ATP8A2: variants seen among roughly 807,000 people sequenced by gnomAD.
ATP8A2 encodes phospholipid-transporting ATPase IB.
In ATP8A2, 100 loss-of-function variants were observed where a neutral mutation model predicts 165.6. The observed-to-expected ratio is 0.60, with a 90% CI of 0.51 to 0.71. ATP8A2 has a LOEUF of 0.71. Among genes scored for constraint, ATP8A2 ranks in the 30% least tolerant of loss-of-function variants. ATP8A2 has a pLI of 0.00. For missense variants in ATP8A2, 1,227 were observed against 1,479.5 expected, an observed-to-expected ratio of 0.83 and a Z score of 2.80; for synonymous variants, 543 against 548.8, an observed-to-expected ratio of 0.99 and a Z score of 0.15.
chr13:25,389,020 C>A (rs553166191), intron 1 of ATP8A2, among the ~76,000 whole-genome samples: 3 of 152,242 alleles, frequency 2.0e-5, no homozygotes, highest in African/African-American at 7.2e-5. Flanking sequence ...GAGCACAGGA[C>A]CTGCACCCAA....
chr13:26,012,440 C>A, intron 35 of ATP8A2, 91 bp from the exon 36 acceptor site: 2 of 1,015,076 alleles, frequency 2.0e-6, no homozygotes, highest in South Asian at 1.5e-5. Context: ...GGGAGGTGAT[C>A]CCCCACCTCA....
chr13:25,484,531 T>G (rs919390403), intron 2 of ATP8A2, among the ~76,000 whole-genome samples: 1 of 152,128 alleles, frequency 6.6e-6, no homozygotes, highest in African/African-American at 2.4e-5. Context: ...TTTTTTCTTT[T>G]TTTGAGACAG....
At chr13:25,439,972 G>A (rs2034887877) in intron 1 of ATP8A2, among the ~76,000 whole-genome samples, 1 of 152,146 alleles carries the variant, frequency 6.6e-6, no homozygotes, top group Non-Finnish European at 1.5e-5. Context: ...AGGCTATGGA[G>A]TTTGAGTATT....
At chr13:25,766,168 T>C (rs186920790) in intron 25 of ATP8A2, among the ~76,000 whole-genome samples, 4 of 152,230 alleles carry the variant, frequency 2.6e-5, no homozygotes, top group African/African-American at 7.2e-5. Flanking sequence ...CCTCAGTGAA[T>C]GAATGATTTT....
At chr13:25,918,833 T>C (rs573325742) in intron 33 of ATP8A2, among the ~76,000 whole-genome samples, 205 of 152,330 alleles carry the variant, frequency 1.3e-3, no homozygotes, top group African/African-American at 4.6e-3. Flanking sequence ...GACTGCTGTA[T>C]TGGTTACTGT....
At chr13:25,553,941 G>A (rs1440849810) in intron 12 of ATP8A2, 21 bp downstream of exon 12, 5 of 1,601,602 alleles carry the variant, frequency 3.1e-6, no homozygotes, top group Non-Finnish European at 4.3e-6. Context: ...AAGCAGAGTT[G>A]AATCACTATT....
intron 2 of ATP8A2, among the ~76,000 whole-genome samples, chr13:25,512,805 C>A (rs192627141): frequency 1.4e-5 from 2 of 143,446 alleles, no homozygotes; most frequent in African/African-American, 5.3e-5. Flanking sequence ...ATCTCCCTCC[C>A]GTACGGGGCG....
chr13:25,664,201 T>C (rs970830248), intron 24 of ATP8A2, among the ~76,000 whole-genome samples: 10 of 152,250 alleles, frequency 6.6e-5, no homozygotes, highest in African/African-American at 2.2e-4. Flanking sequence ...AATTAGAAGA[T>C]GAATAATGGC....
At chr13:25,565,795 G>T (rs966817017) in intron 16 of ATP8A2, among the ~76,000 whole-genome samples, 6 of 151,814 alleles carry the variant, frequency 4.0e-5, no homozygotes, top group African/African-American at 1.2e-4. Context: ...TTGCTTTTGG[G>T]TTCTTGGTCA....
At chr13:25,663,535 T>C (rs2042092544) in intron 24 of ATP8A2, among the ~76,000 whole-genome samples, 1 of 152,040 alleles carries the variant, frequency 6.6e-6, no homozygotes, top group South Asian at 2.1e-4. Flanking sequence ...CTGAGGTGCA[T>C]TGGGCCACTG....
intron 33 of ATP8A2, among the ~76,000 whole-genome samples, chr13:25,957,878 A>G (rs536561871): frequency 3.9e-5 from 6 of 152,332 alleles, no homozygotes; most frequent in East Asian, 1.9e-4. Flanking sequence ...ATGCCCATCA[A>G]TGATAGACTG....
At chr13:25,866,943 G>A (rs1593473240) in intron 33 of ATP8A2, among the ~76,000 whole-genome samples, 2 of 152,262 alleles carry the variant, frequency 1.3e-5, no homozygotes, top group East Asian at 1.9e-4. Flanking sequence ...TTTCAAAGTA[G>A]GGAATTACAC....
chr13:25,783,976 G>A (rs902533620), intron 27 of ATP8A2, among the ~76,000 whole-genome samples: 1 of 152,144 alleles, frequency 6.6e-6, no homozygotes, highest in African/African-American at 2.4e-5. Context: ...GGACAGGGAA[G>A]AGGTAGGTAT....
chr13:25,647,374 T>A (rs1346744199), intron 24 of ATP8A2, among the ~76,000 whole-genome samples: 1 of 152,206 alleles, frequency 6.6e-6, no homozygotes, highest in Non-Finnish European at 1.5e-5. Context: ...ATGTAAAATA[T>A]TTTTGGTTGG....
At chr13:25,456,376 A>G (rs1013414924) in intron 1 of ATP8A2, among the ~76,000 whole-genome samples, 7 of 152,254 alleles carry the variant, frequency 4.6e-5, no homozygotes, top group Non-Finnish European at 1.0e-4. Flanking sequence ...CTGGGAAGGC[A>G]GACACATAAG....
intron 35 of ATP8A2, among the ~76,000 whole-genome samples, chr13:25,995,186 A>G (rs921414405): frequency 6.6e-6 from 1 of 151,778 alleles, no homozygotes; most frequent in Non-Finnish European, 1.5e-5. Flanking sequence ...CTTAATTCCT[A>G]ATATTGGTAA....
At chr13:25,816,315 T>G (rs1443732479) in intron 27 of ATP8A2, among the ~76,000 whole-genome samples, 2 of 152,240 alleles carry the variant, frequency 1.3e-5, no homozygotes, top group Admixed American at 1.3e-4. Flanking sequence ...TCTAGTGTCC[T>G]TCACGGTCTG....
At chr13:25,997,230 C>G (rs1486576933) in intron 35 of ATP8A2, among the ~76,000 whole-genome samples, 1 of 152,184 alleles carries the variant, frequency 6.6e-6, no homozygotes, top group African/African-American at 2.4e-5. Flanking sequence ...GATATTTTCA[C>G]TGGGTTGACA....
At chr13:25,888,243 G>C (rs1232327731) in intron 33 of ATP8A2, among the ~76,000 whole-genome samples, 1 of 152,070 alleles carries the variant, frequency 6.6e-6, no homozygotes, top group African/African-American at 2.4e-5. Context: ...AATAGCTTTG[G>C]GCTGTTGTGA....
Sources: allele counts gnomAD v4.1 joint callset (sites outside exome capture counted in the v4.1 genomes callset), GRCh38; gene constraint gnomAD v4.1.1; transcripts MANE v1.5; gene names NCBI Gene and HGNC (gene_info 2026-07-23, HGNC 2026-07-21).